FBXO31: variants seen among roughly 807,000 people sequenced by gnomAD.
FBXO31 encodes the protein F-box only protein 31.
A neutral mutation model predicts 54.4 loss-of-function variants in FBXO31; 24 were observed. That is an observed-to-expected ratio of 0.44 (90% confidence interval 0.32 to 0.62). The LOEUF (loss-of-function observed/expected upper bound fraction) is 0.62. Among genes scored for constraint, FBXO31 ranks in the 20% least tolerant of loss-of-function variants. The probability of loss-of-function intolerance (pLI) is 0.05; values close to 1 mark genes in which losing one functional copy is unlikely to be tolerated. For missense variants in FBXO31, 665 were observed against 787.1 expected, an observed-to-expected ratio of 0.84 and a Z score of 1.86; for synonymous variants, 388 against 335.6, an observed-to-expected ratio of 1.16 and a Z score of -1.71.
At position 87,358,559 on chromosome 16, in the gene FBXO31, C is replaced by T. The variant is rs967815282; in HGVS notation, c.412+1736G>A. On this transcript the variant is annotated intron_variant, in intron 2 of 8. Transcript: ENST00000311635. This position sits in a 1 kb window ranked among gnomAD's most constrained non-coding sequence, Gnocchi z 4.0. ...TCCCTTTACAGGACTGTGCAAACAGCGTGAATACGACCCAATGCCTGCCCC... is the reference window on the plus strand; with the variant it reads ...TCCCTTTACAGGACTGTGCAAACAGTGTGAATACGACCCAATGCCTGCCCC... 1 of 152,796 alleles carries T rather than the reference C, an allele frequency of 6.5e-6. No individual in the cohort carries two copies. The highest frequency in any genetic ancestry group is 2.1e-4 in the South Asian group (1 of 4,828). The allele number at this position is 152,796 out of a possible 1,614,324, so 9.5% of individuals were successfully genotyped here.
chr16:87,344,890 TCC>T (rs1905314001), intron 3 of FBXO31, among the ~76,000 whole-genome samples: 3 of 134,594 alleles, frequency 2.2e-5, no homozygotes, highest in Non-Finnish European at 3.2e-5. Flanking sequence ...AAACCCCACC[TCC>T]GGCAGCGCCC....
intron 5 of FBXO31, among the ~76,000 whole-genome samples, chr16:87,337,923 A>G (rs1317055876): frequency 1.3e-5 from 2 of 152,218 alleles, no homozygotes; most frequent in Non-Finnish European, 2.9e-5. Flanking sequence ...ATAAAAGAAA[A>G]CAAAAAGTTT....
Position 87,328,154 on chromosome 16 carries a change from G to GA in FBXO31, c.*3133dup, listed in dbSNP as rs1904715580. Reference sequence around the variant, plus strand: ...GAAAGCCTGGGGGTGAACACGCCCTGAGGAGTCAGGGAAGCCAGAGCCAGC... The same window carrying GA: ...GAAAGCCTGGGGGTGAACACGCCCTGAAGGAGTCAGGGAAGCCAGAGCCAGC... On this transcript the variant is annotated 3_prime_UTR_variant, in exon 9 of 9. Transcript: ENST00000311635. 1 of 152,326 alleles carries GA rather than the reference G, an allele frequency of 6.6e-6. No homozygotes were observed. The highest frequency in any genetic ancestry group is 2.4e-5 in the African/African-American group (1 of 41,466). The allele number at this position is 152,326 out of a possible 1,614,324, so 9.4% of individuals were successfully genotyped here. A position where few individuals can be genotyped will look rare whatever the true frequency, so the allele number is the denominator to read the frequency against.
At position 87,335,542 on chromosome 16, in the gene FBXO31, C is replaced by G; in HGVS notation, c.843-85G>C. ...CCCAAGGTGCCAGGGATGAGCTTTG[C>G]AGGGCGGGGTAGGGCGGGCAGCTCA... On this transcript the variant is annotated intron_variant, in intron 6 of 8. Transcript: ENST00000311635. The surrounding 1 kb of genome is among the most constrained non-coding windows in gnomAD (Gnocchi z 5.7). 8.4e-7 allele frequency: 1 copy of G among 1,186,958 alleles called. No homozygotes were observed. The highest frequency in any genetic ancestry group is 1.2e-6 in the Non-Finnish European group (1 of 853,480). The allele number at this position is 1,186,958 out of a possible 1,614,324, so 73.5% of individuals were successfully genotyped here.
intron 7 of FBXO31, 62 bp from the exon 8 acceptor site, chr16:87,334,348 G>A (rs1374830824): frequency 1.5e-5 from 22 of 1,466,050 alleles, no homozygotes; most frequent in African/African-American, 2.8e-5. Context: ...CCACTGTGTG[G>A]GCTCCAGCCC....
intron 2 of FBXO31, among the ~76,000 whole-genome samples, chr16:87,355,648 A>G (rs1362744473): frequency 1.3e-5 from 2 of 152,204 alleles, no homozygotes; most frequent in African/African-American, 4.8e-5. Context: ...GAACAACAGT[A>G]TGTCAATCAA....
In FBXO31 at chr16:87,364,572, C is replaced by T. The variant is rs192267773; in HGVS notation, c.341-4206G>A. On this transcript the variant is annotated intron_variant, in intron 1 of 8. Transcript: ENST00000311635. Reference sequence around the variant, plus strand: ...ATTCAGGTTGAACCAGAGGCCTGGGCGGGGGCATCCAACTGCCCACCCGTC... The same window carrying T: ...ATTCAGGTTGAACCAGAGGCCTGGGTGGGGGCATCCAACTGCCCACCCGTC... Among the ~76,000 whole-genome samples the T allele has an allele frequency of 4.1e-4, 63 of 152,236 alleles. No individual in the cohort carries two copies. In the East Asian group the frequency reaches 6.2e-3, roughly 15 times the overall value.
chr16:87,368,547 T>C (rs947893271), intron 1 of FBXO31, among the ~76,000 whole-genome samples: 1 of 151,808 alleles, frequency 6.6e-6, no homozygotes, highest in Non-Finnish European at 1.5e-5. Context: ...GCCTACCCGC[T>C]TCCAGGCAAC....
At chr16:87,372,537 T>C (rs1354525235) in intron 1 of FBXO31, among the ~76,000 whole-genome samples, 2 of 152,060 alleles carry the variant, frequency 1.3e-5, no homozygotes, top group South Asian at 4.1e-4. Flanking sequence ...TCAACAACTG[T>C]CTGCTAACAA....
intron 2 of FBXO31, among the ~76,000 whole-genome samples, chr16:87,351,182 A>G (rs1905638145): frequency 6.6e-6 from 1 of 152,236 alleles, no homozygotes; most frequent in Non-Finnish European, 1.5e-5. Flanking sequence ...GTCCTTACGA[A>G]GCATGGCTAT....
rs1255614079 is a variant in FBXO31 at position 87,335,415 on chromosome 16, G to A, written c.885C>T (p.Arg295=). The A allele has an allele frequency of 1.2e-6, 2 of 1,613,734 alleles. No homozygotes were observed. Among genetic ancestry groups the A allele is most frequent in the Non-Finnish European group, 1.7e-6 (2 of 1,179,968 alleles). ...GGCCAGGCTTGATGAGGTCGTCGGG[G>A]CGGCTGGGCGGCAGGTAGATGCGGC... ...TYRRIYLPPS[R]PDDLIKPGLF... is the part of the protein sequence containing the mutation. Residue 295 remains arginine (R), a synonymous_variant, in exon 7 of 9, where the codon CGC becomes CGT. Coordinates refer to ENST00000311635, the MANE Select transcript of FBXO31 (RefSeq NM_024735.5). The surrounding 1 kb of genome is among the most constrained non-coding windows in gnomAD (Gnocchi z 5.7).
At chr16:87,339,579 G>A (rs745975599) in intron 5 of FBXO31, among the ~76,000 whole-genome samples, 7 of 152,162 alleles carry the variant, frequency 4.6e-5, no homozygotes, top group African/African-American at 9.7e-5. Context: ...TGCCCTACCT[G>A]GGACAGTGGC....
chr16:87,343,999 C>T (rs1905277286), intron 3 of FBXO31, among the ~76,000 whole-genome samples: 1 of 152,192 alleles, frequency 6.6e-6, no homozygotes, highest in Non-Finnish European at 1.5e-5. Flanking sequence ...GGGTGAGGTG[C>T]CGACCAGACA....
chr16:87,352,983 T>G lies in FBXO31; in HGVS notation c.413-5733A>C, dbSNP rs1013239817. On this transcript the variant is annotated intron_variant, in intron 2 of 8. Coordinates refer to ENST00000311635, the MANE Select transcript of FBXO31 (RefSeq NM_024735.5). ...CTCCATGCTAGGAGACCGGCGGGGA[T>G]GGAGATTTTGTGGGTGGATGCCCCT... Among the ~76,000 whole-genome samples, 3 of 151,936 alleles carry G rather than the reference T, an allele frequency of 2.0e-5. No homozygotes were observed. The East Asian group carries it at 5.8e-4, about 29-fold the overall frequency.
intron 1 of FBXO31, among the ~76,000 whole-genome samples, chr16:87,365,012 T>A (rs982308827): frequency 3.2e-4 from 16 of 49,396 alleles, no homozygotes; most frequent in South Asian, 5.6e-4. Context: ...GTCTCTTAAA[T>A]ATATATATAT....
rs56412475 is a variant in FBXO31, at chr16:87,343,819, G to A, written c.490-54C>T. The A allele has an allele frequency of 2.1e-3, 3,344 of 1,600,296 alleles. 55 individuals are homozygous for A. In the African/African-American group the frequency reaches 0.04, roughly 19 times the overall value. On this transcript the variant is annotated intron_variant, in intron 3 of 8. Transcript: ENST00000311635. ...GAGTGGCTCCCGGGCCAGAGCAAGG[G>A]CGGCCCCGCACGGCTCCCCGCACTG...
chr16:87,362,350 T>C (rs1351244241), intron 1 of FBXO31, among the ~76,000 whole-genome samples: 1 of 152,166 alleles, frequency 6.6e-6, no homozygotes, highest in Non-Finnish European at 1.5e-5. Flanking sequence ...GCCCAGGCTG[T>C]AATGTAGTGG....
rs72806203 is a variant in FBXO31, at chr16:87,342,801, G to A, written c.732+76C>T. Reference sequence around the variant, plus strand: ...GTCGCATGCTGCTGACTTCTCTCCCGCATGGGTCTGTACTTTCCCCGTGGG... The same window carrying A: ...GTCGCATGCTGCTGACTTCTCTCCCACATGGGTCTGTACTTTCCCCGTGGG... On this transcript the variant is annotated intron_variant, in intron 5 of 8. Coordinates refer to ENST00000311635, the MANE Select transcript of FBXO31 (RefSeq NM_024735.5). The A allele has an allele frequency of 0.017, 22,506 of 1,292,082 alleles. 247 individuals carry two copies. The highest frequency in any genetic ancestry group is 0.021 in the Non-Finnish European group (19,957 of 939,864). 80.0% of individuals were successfully genotyped at this position (1,292,082 alleles called of 1,614,324 possible). A position where few individuals can be genotyped will look rare whatever the true frequency, so the allele number is the denominator to read the frequency against.
intron 1 of FBXO31, among the ~76,000 whole-genome samples, chr16:87,373,520 T>C (rs1398083002): frequency 1.4e-5 from 2 of 145,692 alleles, no homozygotes; most frequent in African/African-American, 4.9e-5. Flanking sequence ...TACACATACA[T>C]ACCTGAAGCC....
Sources: allele counts gnomAD v4.1 joint callset (sites outside exome capture counted in the v4.1 genomes callset), GRCh38; gene constraint gnomAD v4.1.1; non-coding constraint Gnocchi (gnomAD v3.1); transcripts MANE v1.5; gene names NCBI Gene and HGNC (gene_info 2026-07-23, HGNC 2026-07-21).